The following CRB1 variants were observed in gnomAD, a reference collection of about 807,000 sequenced individuals.
The protein encoded by CRB1 is protein crumbs homolog 1.
A neutral mutation model predicts 120.0 loss-of-function variants in CRB1; 83 were observed. That is an observed-to-expected ratio of 0.69 (90% CI 0.58 to 0.83). CRB1 has a LOEUF of 0.83. CRB1 is among the 40% of genes least tolerant of loss of function. The pLI is 0.00. For synonymous variants in CRB1, 625 were observed against 612.5 expected (o/e 1.02, Z -0.30); for missense variants, 1,699 against 1,687.6 (o/e 1.01, Z -0.12).
intron 5 of CRB1, among the ~76,000 whole-genome samples, chr1:197,360,780 T>C (rs961295349): frequency 6.6e-6 from 1 of 152,264 alleles, no homozygotes. Context: ...TTTCTTCCTT[T>C]ACAATATACA....
intron 6 of CRB1, among the ~76,000 whole-genome samples, chr1:197,425,868 A>G (rs1257948855): frequency 5.3e-5 from 8 of 151,916 alleles, no homozygotes; most frequent in South Asian, 2.1e-4. Context: ...TAAATATCTA[A>G]TATGGTTTGG....
At chr1:197,327,681 C>G (rs1317049701) in intron 1 of CRB1, among the ~76,000 whole-genome samples, 1 of 152,116 alleles carries the variant, frequency 6.6e-6, no homozygotes, top group African/African-American at 2.4e-5. Context: ...GAAATAATTG[C>G]TTATAGTAAC....
At chr1:197,291,144 T>G (rs1021970509) in intron 1 of CRB1, among the ~76,000 whole-genome samples, 2 of 151,830 alleles carry the variant, frequency 1.3e-5, no homozygotes, top group African/African-American at 2.4e-5. Context: ...ATTTTAAAAC[T>G]TAATTAGTAA....
intron 10 of CRB1, chr1:197,440,645 GA>G (rs1206506003): frequency 2.0e-5 from 3 of 152,238 alleles, no homozygotes; most frequent in African/African-American, 7.2e-5. Flanking sequence ...GTGAGAAAGT[GA>G]TGGAGTAGTT....
At chr1:197,403,776 C>T (rs77816429) in intron 5 of CRB1, among the ~76,000 whole-genome samples, 1 of 151,922 alleles carries the variant, frequency 6.6e-6, no homozygotes, top group Non-Finnish European at 1.5e-5. Flanking sequence ...TTTTCTCTTT[C>T]TCTCTCTCTC....
At chr1:197,266,392 A>G (rs1325579960), upstream of CRB1, among the ~76,000 whole-genome samples, 1 of 152,012 alleles carries the variant, frequency 6.6e-6, no homozygotes, top group Non-Finnish European at 1.5e-5. Context: ...AAGGGCAGTA[A>G]TCCCATTCAT....
rs998186002 is a variant in CRB1 at position 197,358,830 on chromosome 1, T to C, written c.1171+1817T>C. The stretch of plus-strand genomic sequence containing the variant: ...AATGTAATCATGTAACTACATTTAA[T>C]TGCAGAAAAGACGAGAAAATCTAGT... On this transcript the variant is annotated intron_variant, in intron 5 of 11. Transcript: ENST00000367400. Among the ~76,000 whole-genome samples the C allele has an allele frequency of 5.3e-5, 8 of 152,172 alleles. No individual in the cohort carries two copies. In the South Asian group the frequency reaches 1.5e-3, roughly 28 times the overall value.
At chr1:197,331,494 C>A (rs1333546125) in intron 2 of CRB1, among the ~76,000 whole-genome samples, 2 of 152,056 alleles carry the variant, frequency 1.3e-5, no homozygotes, top group South Asian at 2.1e-4. Context: ...GTTTGTATGC[C>A]ATACTGAGGT....
At chr1:197,332,453 G>A (rs1204434434) in intron 2 of CRB1, among the ~76,000 whole-genome samples, 1 of 152,018 alleles carries the variant, frequency 6.6e-6, no homozygotes, top group Non-Finnish European at 1.5e-5. Context: ...CTTTTCAAGT[G>A]ACATATATAA....
chr1:197,317,561 CGGTT>C (rs1333484188), intron 1 of CRB1, among the ~76,000 whole-genome samples: 1 of 152,038 alleles, frequency 6.6e-6, no homozygotes, highest in African/African-American at 2.4e-5. Flanking sequence ...AAAAATAACA[CGGTT>C]GGATACATCA....
the CRB1 span, among the ~76,000 whole-genome samples, chr1:197,218,983 G>A: frequency 6.6e-6 from 1 of 152,170 alleles, no homozygotes; most frequent in African/African-American, 2.4e-5. Context: ...GAGGAGGACA[G>A]GGTTGTTGAG....
At chr1:197,202,983 CTG>C in the CRB1 span, among the ~76,000 whole-genome samples, 60 of 139,098 alleles carry the variant, frequency 4.3e-4, no homozygotes, top group Middle Eastern at 0.014. Context: ...GTGTGTGTGT[CTG>C]TGTGTGTGTG....
At chr1:197,253,922 GTGTT>G in the CRB1 span, among the ~76,000 whole-genome samples, 116 of 152,100 alleles carry the variant, frequency 7.6e-4, 2 homozygotes, top group East Asian at 0.021. Flanking sequence ...TGAGAGGTTT[GTGTT>G]TGTTTGTTTG....
chr1:197,300,770 G>T (rs929974388), intron 1 of CRB1, among the ~76,000 whole-genome samples: 1 of 152,168 alleles, frequency 6.6e-6, no homozygotes, highest in Non-Finnish European at 1.5e-5. Flanking sequence ...TTCATAGCTA[G>T]AAAGAAGTTG....
At chr1:197,245,194 A>G in the CRB1 span, among the ~76,000 whole-genome samples, 5 of 151,956 alleles carry the variant, frequency 3.3e-5, no homozygotes, top group African/African-American at 1.2e-4. Flanking sequence ...TATATCTCCT[A>G]ATGCTATCCC....
intron 11 of CRB1, among the ~76,000 whole-genome samples, chr1:197,469,245 A>G (rs959302367): frequency 6.6e-6 from 1 of 152,050 alleles, no homozygotes; most frequent in African/African-American, 2.4e-5. Context: ...ATAAAATCAA[A>G]ATTGGCAATT....
rs769155214 is a variant in CRB1 at position 197,427,852 on chromosome 1, C to T, written c.2527C>T (p.Leu843Phe). 1.2e-6 allele frequency: 2 copies of T among 1,613,988 alleles called. No individual in the cohort carries two copies. Among genetic ancestry groups the T allele is most frequent in the Non-Finnish European group, 8.5e-7 (1 of 1,179,978 alleles). The change falls in exon 7 of 12, where the codon CTT (leucine) becomes TTT (phenylalanine). Residue 843 changes from leucine to phenylalanine, a missense_variant. Transcript: ENST00000367400. ...GGLPDKQETE[L>F]NGGFFKGCIQ... ...CCTACCTGACAAGCAAGAGACTGAA[C>T]TTAATGGTGGATTCTTCAAAGGCTG...
At chr1:197,352,435 G>C (rs1374849846) in intron 4 of CRB1, among the ~76,000 whole-genome samples, 4 of 152,132 alleles carry the variant, frequency 2.6e-5, no homozygotes, top group African/African-American at 9.7e-5. Flanking sequence ...TGTGTGTCTC[G>C]AGTCTTAGAA....
chr1:197,302,041 T>C (rs1400811450), intron 1 of CRB1, among the ~76,000 whole-genome samples: 1 of 152,184 alleles, frequency 6.6e-6, no homozygotes, highest in Admixed American at 6.5e-5. Context: ...AGTTCTATTG[T>C]GGTTAAAATA....
Sources: allele counts gnomAD v4.1 joint callset (sites outside exome capture counted in the v4.1 genomes callset), GRCh38; gene constraint gnomAD v4.1.1; transcripts MANE v1.5; gene names NCBI Gene and HGNC (gene_info 2026-07-23, HGNC 2026-07-21).